RAD51B: variants seen among roughly 807,000 people sequenced by gnomAD.
RAD51B encodes the protein DNA repair protein RAD51 homolog 2.
A neutral mutation model predicts 42.2 loss-of-function variants in RAD51B; 38 were observed. The observed-to-expected ratio is 0.90, with a 90% CI of 0.70 to 1.18. The LOEUF (loss-of-function observed/expected upper bound fraction) is 1.18. Among genes scored for constraint, RAD51B ranks in the 50% most tolerant of loss-of-function variants. RAD51B has a pLI of 0.00. For missense variants in RAD51B, 373 were observed against 400.7 expected (o/e 0.93, Z 0.59); for synonymous variants, 154 against 145.2 (o/e 1.06, Z -0.43).
chr14:68,236,821 G>T (rs943289822), intron 7 of RAD51B, among the ~76,000 whole-genome samples: 1 of 152,124 alleles, frequency 6.6e-6, no homozygotes, highest in Non-Finnish European at 1.5e-5. Flanking sequence ...GCTTTCCCTG[G>T]CTGACCTGGA....
chr14:67,838,236 T>C (rs2041311288), intron 4 of RAD51B, among the ~76,000 whole-genome samples: 1 of 152,194 alleles, frequency 6.6e-6, no homozygotes, highest in Admixed American at 6.5e-5. Flanking sequence ...CTGTGAATAG[T>C]GCTGCAATAA....
At chr14:67,875,623 G>T (rs1566936788) in intron 5 of RAD51B, among the ~76,000 whole-genome samples, 1 of 152,120 alleles carries the variant, frequency 6.6e-6, no homozygotes, top group Non-Finnish European at 1.5e-5. Flanking sequence ...ATACCATATA[G>T]CCTCAGTGTG....
At chr14:67,876,760 G>T (rs1031163354) in intron 5 of RAD51B, among the ~76,000 whole-genome samples, 1 of 152,204 alleles carries the variant, frequency 6.6e-6, no homozygotes, top group Non-Finnish European at 1.5e-5. Context: ...GGGACATTGA[G>T]AGTGGATGTA....
Position 68,411,534 on chromosome 14 carries a change from G to T in RAD51B, c.957+7G>T, listed in dbSNP as rs1271070421. ...TGATTCAGAGAGAAGACAGGTGGGT[G>T]CTTTGACAGTATTCTCTGACTATGA... On this transcript the variant is annotated splice_region_variant and intron_variant, in intron 9 of 10. Coordinates refer to ENST00000471583, the MANE Select transcript of RAD51B (RefSeq NM_133510.4). 1 of 1,610,808 alleles carries T rather than the reference G, an allele frequency of 6.2e-7. No homozygotes were observed. Among genetic ancestry groups the T allele is most frequent in the Admixed American group, 1.7e-5 (1 of 59,974 alleles).
intron 7 of RAD51B, among the ~76,000 whole-genome samples, chr14:67,893,347 C>T (rs1362556264): frequency 6.6e-6 from 1 of 151,614 alleles, no homozygotes; most frequent in African/African-American, 2.4e-5. Flanking sequence ...GTCAGGTGTG[C>T]TGGATCACAC....
At chr14:67,956,162 T>G (rs766762860) in intron 7 of RAD51B, among the ~76,000 whole-genome samples, 6 of 152,092 alleles carry the variant, frequency 3.9e-5, no homozygotes, top group Non-Finnish European at 8.8e-5. Context: ...ATTTTAAGAG[T>G]CAGTATTCCC....
At chr14:68,503,584 C>G (rs567280380) in intron 10 of RAD51B, among the ~76,000 whole-genome samples, 1 of 152,152 alleles carries the variant, frequency 6.6e-6, no homozygotes, top group Non-Finnish European at 1.5e-5. Context: ...AGAGAGGTGA[C>G]GAGAGGCTCT....
At chr14:68,180,909 A>G (rs919328207) in intron 7 of RAD51B, among the ~76,000 whole-genome samples, 2 of 152,176 alleles carry the variant, frequency 1.3e-5, no homozygotes, top group Non-Finnish European at 2.9e-5. Flanking sequence ...CTTCCTTTTC[A>G]TACAGATTGG....
intron 11 of RAD51B, among the ~76,000 whole-genome samples, chr14:68,652,142 A>AC (rs1324905424): frequency 6.6e-6 from 1 of 152,126 alleles, no homozygotes; most frequent in Non-Finnish European, 1.5e-5. Context: ...TTCCCTCCCA[A>AC]CACGACGCCA....
At chr14:68,535,451 G>A (rs544373468) in intron 10 of RAD51B, among the ~76,000 whole-genome samples, 7 of 133,042 alleles carry the variant, frequency 5.3e-5, no homozygotes, top group Non-Finnish European at 1.1e-4. Flanking sequence ...TTCCCATTCC[G>A]ACACCTGGCA....
intron 8 of RAD51B, among the ~76,000 whole-genome samples, chr14:68,398,909 GT>G (rs2084004538): frequency 6.6e-6 from 1 of 152,048 alleles, no homozygotes; most frequent in African/African-American, 2.4e-5. Context: ...TTTTTCAAAT[GT>G]TAGCATATAT....
intron 7 of RAD51B, among the ~76,000 whole-genome samples, chr14:68,009,783 A>G (rs1271783864): frequency 1.3e-5 from 2 of 151,890 alleles, no homozygotes; most frequent in African/African-American, 4.8e-5. Context: ...ACTGACTGCT[A>G]AGTAGTAACA....
intron 10 of RAD51B, among the ~76,000 whole-genome samples, chr14:68,607,099 G>C (rs1891476121): frequency 6.6e-6 from 1 of 152,212 alleles, no homozygotes; most frequent in Admixed American, 6.5e-5. Context: ...GTGAGGCACA[G>C]TGATTGCAGC....
At chr14:67,857,333 A>G (rs939062187) in intron 4 of RAD51B, among the ~76,000 whole-genome samples, 1 of 152,208 alleles carries the variant, frequency 6.6e-6, no homozygotes, top group African/African-American at 2.4e-5. Flanking sequence ...TCCAAACTCA[A>G]CAAACAAACC....
At chr14:68,075,787 G>A (rs1415411448) in intron 7 of RAD51B, among the ~76,000 whole-genome samples, 2 of 151,462 alleles carry the variant, frequency 1.3e-5, no homozygotes, top group Admixed American at 1.3e-4. Flanking sequence ...AGGGCTCACA[G>A]GGAAGGGAGA....
chr14:68,286,376 G>A (rs925111946), intron 7 of RAD51B, among the ~76,000 whole-genome samples: 7 of 152,150 alleles, frequency 4.6e-5, no homozygotes, highest in Non-Finnish European at 1.0e-4. Context: ...TTTAAATATC[G>A]AATAATTATT....
intron 7 of RAD51B, among the ~76,000 whole-genome samples, chr14:68,202,030 C>T (rs1374446578): frequency 6.6e-6 from 1 of 152,146 alleles, no homozygotes; most frequent in African/African-American, 2.4e-5. Flanking sequence ...TAAAGGTACT[C>T]ACACAATTTT....
At chr14:68,657,348 A>G (rs948850497) in intron 11 of RAD51B, among the ~76,000 whole-genome samples, 2 of 152,182 alleles carry the variant, frequency 1.3e-5, no homozygotes, top group African/African-American at 4.8e-5. Flanking sequence ...CCCGTCATTT[A>G]ACAAAATTTT....
intron 7 of RAD51B, among the ~76,000 whole-genome samples, chr14:67,925,076 G>A (rs2044457996): frequency 1.3e-5 from 2 of 152,210 alleles, no homozygotes; most frequent in African/African-American, 4.8e-5. Context: ...AAATCTTAAA[G>A]CTCCAAAATG....
Sources: allele counts gnomAD v4.1 joint callset (sites outside exome capture counted in the v4.1 genomes callset), GRCh38; gene constraint gnomAD v4.1.1; transcripts MANE v1.5; gene names NCBI Gene and HGNC (gene_info 2026-07-23, HGNC 2026-07-21).